Variants in PDE4B observed in about 807,000 individuals in gnomAD.
PDE4B encodes the protein 3',5'-cyclic-AMP phosphodiesterase 4B.
In PDE4B, 20 loss-of-function variants were observed where a neutral mutation model predicts 82.2. The observed-to-expected ratio is 0.24, with a 90% CI of 0.17 to 0.35. The LOEUF is 0.35. Ranked by LOEUF, PDE4B falls within the 10% of genes least tolerant of loss-of-function variation. The pLI, the probability that PDE4B is intolerant of heterozygous loss-of-function variation, is 1.00. For synonymous variants in PDE4B, 320 were observed against 318.9 expected (o/e 1.00, Z -0.04); for missense variants, 655 against 907.2 (o/e 0.72, Z 3.57).
Position 65,929,858 on chromosome 1 carries a change from A to G in PDE4B, c.281+11023A>G, listed in dbSNP as rs1269491441. Among the ~76,000 whole-genome samples, 5 of 152,184 alleles carry G rather than the reference A, an allele frequency of 3.3e-5. No homozygotes were observed. In the East Asian group the frequency reaches 9.6e-4, roughly 29 times the overall value. On this transcript the variant is annotated intron_variant, in intron 3 of 16. Transcript: ENST00000341517. ...CTATCAGTGTTCTCCATACTATTAG[A>G]AGTAGAATCCTTAGCATTTTTGAGT...
At chr1:66,368,264 ATTTGTGGAACTGCT>A (rs2102057242) in intron 15 of PDE4B, 199 bp downstream of exon 15, 1 of 551,722 alleles carries the variant, frequency 1.8e-6, no homozygotes, top group Non-Finnish European at 3.1e-6. Flanking sequence ...AATAATCTCT[ATTTGTGGAACTGCT>A]TATTAGTTAT....
intron 3 of PDE4B, among the ~76,000 whole-genome samples, chr1:66,102,459 C>T (rs921550442): frequency 6.6e-5 from 10 of 151,984 alleles, no homozygotes; most frequent in African/African-American, 2.4e-4. Context: ...GTAAGTATAG[C>T]TGGTGAAGTG....
intron 7 of PDE4B, among the ~76,000 whole-genome samples, chr1:66,290,682 A>G (rs762820629): frequency 1.3e-5 from 2 of 152,190 alleles, no homozygotes; most frequent in African/African-American, 4.8e-5. Context: ...GGAAGCAGGG[A>G]TAATTTCCAA....
chr1:66,087,148 C>T (rs913631988), intron 3 of PDE4B, among the ~76,000 whole-genome samples: 2 of 152,064 alleles, frequency 1.3e-5, no homozygotes, highest in Admixed American at 1.3e-4. Flanking sequence ...ATGTTCTATA[C>T]AGTTGGGCTT....
At chr1:66,155,054 G>A (rs538039306) in intron 3 of PDE4B, among the ~76,000 whole-genome samples, 19 of 152,178 alleles carry the variant, frequency 1.2e-4, no homozygotes, top group Middle Eastern at 3.4e-3. Flanking sequence ...TCTTGAGCCC[G>A]GGAGGTTGAG....
intron 3 of PDE4B, among the ~76,000 whole-genome samples, chr1:66,246,217 G>T (rs1266192405): frequency 6.6e-6 from 1 of 152,152 alleles, no homozygotes; most frequent in Non-Finnish European, 1.5e-5. Flanking sequence ...TGTAGAGTAG[G>T]ATCATTTTAT....
chr1:66,223,672 C>A (rs1651186790), intron 3 of PDE4B, among the ~76,000 whole-genome samples: 1 of 152,084 alleles, frequency 6.6e-6, no homozygotes, highest in South Asian at 2.1e-4. Flanking sequence ...TTGCAGTGTT[C>A]TTTTTTCATT....
chr1:66,363,242 A>T lies in PDE4B; in HGVS notation c.1095A>T (p.Thr365=), dbSNP rs1383636006. Reference sequence around the variant, plus strand: ...GATATTCTCACAATAGACCCCTAACATGCATCATGTATGCTATATTCCAGG... The same window carrying T: ...GATATTCTCACAATAGACCCCTAACTTGCATCATGTATGCTATATTCCAGG... ...VAGYSHNRPL[T]CIMYAIFQER... The change falls in exon 11 of 17, where the codon ACA becomes ACT. Residue 365 remains threonine (T), a synonymous_variant. Coordinates refer to ENST00000341517, the MANE Select transcript of PDE4B (RefSeq NM_002600.4). The T allele has an allele frequency of 1.9e-6, 3 of 1,611,750 alleles. No individual in the cohort carries two copies. In the African/African-American group the frequency reaches 4.0e-5, roughly 22 times the overall value.
chr1:66,199,970 T>A (rs1324632120), intron 3 of PDE4B, among the ~76,000 whole-genome samples: 1 of 152,190 alleles, frequency 6.6e-6, no homozygotes, highest in Non-Finnish European at 1.5e-5. Context: ...AGGGTTTTTA[T>A]GGTTTTAGGT....
At chr1:66,091,676 T>C (rs777620027) in intron 3 of PDE4B, among the ~76,000 whole-genome samples, 1 of 151,868 alleles carries the variant, frequency 6.6e-6, no homozygotes, top group Non-Finnish European at 1.5e-5. Context: ...AATAGCAGAG[T>C]TGTAGTTGCT....
At chr1:66,001,870 G>A (rs1173037461) in intron 3 of PDE4B, among the ~76,000 whole-genome samples, 6 of 151,902 alleles carry the variant, frequency 3.9e-5, no homozygotes, top group Non-Finnish European at 7.4e-5. Flanking sequence ...CTACAGGCAC[G>A]TGCCACCACA....
In PDE4B at chr1:65,838,581, GTA is replaced by G. The variant is rs199577753; in HGVS notation, c.-71+45341_-71+45342del. ...TATGTATATGTATATATGTATATGTGTATATATATGTATATGTATCTATATGT... is the reference window on the plus strand; with the variant it reads ...TATGTATATGTATATATGTATATGTGTATATATGTATATGTATCTATATGT... On this transcript the variant is annotated intron_variant, in intron 1 of 16. Transcript: ENST00000341517. Among the ~76,000 whole-genome samples the G allele has an allele frequency of 6.1e-3, 878 of 144,350 alleles. 12 individuals carry two copies. The highest frequency in any genetic ancestry group is 0.021 in the African/African-American group (776 of 37,654). 94.7% of individuals were successfully genotyped at this position (144,350 alleles called of 152,430 possible).
intron 1 of PDE4B, among the ~76,000 whole-genome samples, chr1:65,891,917 C>T (rs899321032): frequency 1.3e-5 from 2 of 151,880 alleles, no homozygotes; most frequent in East Asian, 1.9e-4. Context: ...GGATACTGCC[C>T]GAGATGATCC....
intron 8 of PDE4B, among the ~76,000 whole-genome samples, chr1:66,343,068 CAACAAAAAAA>C (rs1661127747): frequency 6.7e-6 from 1 of 148,212 alleles, no homozygotes; most frequent in Non-Finnish European, 1.5e-5. Context: ...CAAAAAACAA[CAACAAAAAAA>C]AACAAAAAAA....
chr1:66,189,896 G>A (rs111406220), intron 3 of PDE4B, among the ~76,000 whole-genome samples: 1,892 of 152,288 alleles, frequency 0.012, 33 homozygotes, highest in African/African-American at 0.044. Context: ...TTCCTTTGGA[G>A]GAGGAGAGGT....
chr1:66,007,958 T>A (rs1336758619), intron 3 of PDE4B, among the ~76,000 whole-genome samples: 1 of 152,024 alleles, frequency 6.6e-6, no homozygotes, highest in African/African-American at 2.4e-5. Context: ...GCTGACAAGG[T>A]CCATAGATAC....
intron 3 of PDE4B, among the ~76,000 whole-genome samples, chr1:66,202,957 A>G (rs1348749638): frequency 6.6e-6 from 1 of 151,788 alleles, no homozygotes; most frequent in Non-Finnish European, 1.5e-5. Flanking sequence ...GGTCTTTATA[A>G]TTTGGCATGT....
At chr1:66,075,822 G>A (rs979918093) in intron 3 of PDE4B, among the ~76,000 whole-genome samples, 1 of 151,906 alleles carries the variant, frequency 6.6e-6, no homozygotes, top group Non-Finnish European at 1.5e-5. Flanking sequence ...TTTTTCAGGA[G>A]AAACTGAATA....
intron 3 of PDE4B, among the ~76,000 whole-genome samples, chr1:66,052,681 AT>A (rs1361845347): frequency 1.3e-5 from 2 of 151,720 alleles, no homozygotes; most frequent in Non-Finnish European, 2.9e-5. Context: ...CCGAGAAATG[AT>A]TAGGAGTGTG....
Sources: gnomAD v4.1 joint callset for allele counts (sites outside exome capture counted in the v4.1 genomes callset) on GRCh38, gnomAD v4.1.1 for gene constraint, MANE v1.5 for transcripts, NCBI Gene and HGNC (gene_info 2026-07-23, HGNC 2026-07-21) for gene names.